KCNN2: variants seen among roughly 807,000 people sequenced by gnomAD.
The protein encoded by KCNN2 is small conductance calcium-activated potassium channel protein 2.
KCNN2 carries 24 observed loss-of-function variants against 55.5 expected under a neutral mutation model. The observed-to-expected ratio is 0.43, with a 90% CI of 0.31 to 0.61. The LOEUF (loss-of-function observed/expected upper bound fraction) is 0.61. Among genes scored for constraint, KCNN2 ranks in the 20% least tolerant of loss-of-function variants. KCNN2 has a pLI of 0.08. For synonymous variants in KCNN2, 431 were observed against 336.1 expected (o/e 1.28, Z -3.09); for missense variants, 754 against 853.6 (o/e 0.88, Z 1.45).
chr5:114,313,770 C>T (rs1756450096), intron 2 of KCNN2, among the ~76,000 whole-genome samples: 1 of 152,082 alleles, frequency 6.6e-6, no homozygotes, highest in African/African-American at 2.4e-5. Context: ...GCTTTTGCAG[C>T]TAAGTGGTTC....
chr5:114,123,184 A>T (rs1043495888), intron 1 of KCNN2, among the ~76,000 whole-genome samples: 3 of 152,096 alleles, frequency 2.0e-5, no homozygotes, highest in Admixed American at 6.6e-5. Flanking sequence ...AATTCACTGT[A>T]ATTTTTCAAA....
Position 114,405,627 on chromosome 5 carries a change from G to C in KCNN2, c.1637+771G>C, listed in dbSNP as rs192158835. 2.6e-3 allele frequency among the ~76,000 whole-genome samples: 402 copies of C among 152,252 alleles called. 2 individuals carry two copies. The highest frequency in any genetic ancestry group is 1.8e-3 in the Non-Finnish European group (122 of 68,014). On this transcript the variant is annotated intron_variant, in intron 3 of 7. Transcript: ENST00000673685. ...AAGAAAATTCAAGTTGAAATTAACA[G>C]TAGAGACATAGGAATGATTTAGACA...
rs567671399 is a variant in KCNN2, at chr5:114,460,860, G to A, written c.1638-2189G>A. Among the ~76,000 whole-genome samples the A allele has an allele frequency of 5.3e-5, 8 of 152,284 alleles. No individual in the cohort carries two copies. The South Asian group carries it at 1.0e-3, about 20-fold the overall frequency. Reference sequence around the variant, plus strand: ...TAGCTCTTAAGTGTATCACATCAGTGTATGAATTGTGCTAAGAAGCAGCTT... The same window carrying A: ...TAGCTCTTAAGTGTATCACATCAGTATATGAATTGTGCTAAGAAGCAGCTT... On this transcript the variant is annotated intron_variant, in intron 3 of 7. Transcript: ENST00000673685.
intron 2 of KCNN2, among the ~76,000 whole-genome samples, chr5:114,350,471 C>T (rs923071739): frequency 6.6e-6 from 1 of 151,688 alleles, no homozygotes; most frequent in Non-Finnish European, 1.5e-5. Context: ...TGATTAAGCC[C>T]AATTTGTCTA....
At chr5:114,127,615 C>G (rs775895736) in intron 1 of KCNN2, among the ~76,000 whole-genome samples, 2 of 152,190 alleles carry the variant, frequency 1.3e-5, no homozygotes, top group African/African-American at 2.4e-5. Context: ...CTGATGTGCC[C>G]TGGAGACATT....
At chr5:114,248,363 T>A (rs1045822912) in intron 2 of KCNN2, among the ~76,000 whole-genome samples, 7 of 152,122 alleles carry the variant, frequency 4.6e-5, no homozygotes, top group Non-Finnish European at 2.9e-5. Flanking sequence ...AGTTTAGTTA[T>A]TTGGGGGGAA....
chr5:114,426,953 G>A (rs190122281), intron 3 of KCNN2, among the ~76,000 whole-genome samples: 3 of 152,236 alleles, frequency 2.0e-5, no homozygotes, highest in Admixed American at 1.3e-4. Flanking sequence ...CACTCACAGC[G>A]GAAAGGAAAG....
At chr5:114,256,314 A>G (rs1754982461) in intron 2 of KCNN2, among the ~76,000 whole-genome samples, 1 of 152,192 alleles carries the variant, frequency 6.6e-6, no homozygotes, top group Non-Finnish European at 1.5e-5. Flanking sequence ...TAGCTTGGCT[A>G]TTAGGAAGAG....
intron 1 of KCNN2, among the ~76,000 whole-genome samples, chr5:114,187,673 T>A (rs554259953): frequency 2.6e-5 from 4 of 151,040 alleles, no homozygotes; most frequent in African/African-American, 9.7e-5. Context: ...ACCCGGCTAA[T>A]TTTTTTATAT....
At chr5:114,298,245 G>C (rs1477561037) in intron 2 of KCNN2, among the ~76,000 whole-genome samples, 1 of 152,232 alleles carries the variant, frequency 6.6e-6, no homozygotes, top group Non-Finnish European at 1.5e-5. Flanking sequence ...AGATGGTTCT[G>C]CTAGGAAAGG....
intron 1 of KCNN2, among the ~76,000 whole-genome samples, chr5:114,150,214 CA>C (rs1384084135): frequency 6.6e-6 from 1 of 152,178 alleles, no homozygotes; most frequent in Admixed American, 6.5e-5. Flanking sequence ...GCAAGAGTTT[CA>C]GGGGGTCTCC....
At chr5:114,107,552 T>A (rs1425914589) in intron 1 of KCNN2, among the ~76,000 whole-genome samples, 1 of 101,264 alleles carries the variant, frequency 9.9e-6, no homozygotes, top group Non-Finnish European at 2.3e-5. Flanking sequence ...GCCTGGCTAA[T>A]TTTTTTTTTT....
chr5:114,195,648 A>G (rs1213856068), intron 1 of KCNN2, among the ~76,000 whole-genome samples: 1 of 151,878 alleles, frequency 6.6e-6, no homozygotes, highest in African/African-American at 2.4e-5. Flanking sequence ...TTACTTTTTC[A>G]TTTTCAATCT....
intron 2 of KCNN2, among the ~76,000 whole-genome samples, chr5:114,244,778 T>C (rs191644983): frequency 6.6e-6 from 1 of 152,276 alleles, no homozygotes; most frequent in East Asian, 1.9e-4. Flanking sequence ...TTAACGGTGG[T>C]ATCTGAAGCT....
intron 7 of KCNN2, among the ~76,000 whole-genome samples, chr5:114,495,392 T>G (rs1748063847): frequency 6.6e-6 from 1 of 152,224 alleles, no homozygotes; most frequent in Non-Finnish European, 1.5e-5. Flanking sequence ...TCAAACCAGT[T>G]AATCCTAAAC....
intron 1 of KCNN2, among the ~76,000 whole-genome samples, chr5:114,148,348 C>A (rs1273310646): frequency 6.6e-6 from 1 of 152,024 alleles, no homozygotes; most frequent in Non-Finnish European, 1.5e-5. Flanking sequence ...TTTTTTTGTG[C>A]AACAAACACA....
chr5:114,290,847 T>C (rs1298183211), intron 2 of KCNN2, among the ~76,000 whole-genome samples: 1 of 152,154 alleles, frequency 6.6e-6, no homozygotes, highest in Non-Finnish European at 1.5e-5. Context: ...TTCTAGCATA[T>C]TGATTGTTTC....
chr5:114,453,528 C>G (rs935967222), intron 3 of KCNN2, among the ~76,000 whole-genome samples: 1 of 152,146 alleles, frequency 6.6e-6, no homozygotes, highest in African/African-American at 2.4e-5. Flanking sequence ...AGAATCTTCC[C>G]TTTAGAGATA....
chr5:114,363,152 C>T lies in KCNN2; in HGVS notation c.1013C>T (p.Ala338Val). ...GGCTACAAGCTGGGCCACCGGCGCG[C>T]CCTGTTCGAAAAGCGCAAGCGGCTC... ...NIGYKLGHRR[A>V]LFEKRKRLSD... Residue 338 changes from alanine to valine, a missense_variant, in exon 1 of 8, where the codon GCC becomes GTC. By Grantham distance (64) the Ala-to-Val change is moderately conservative (BLOSUM62 0). This residue lies in a region of KCNN2 where 123 missense variants were observed against 204.9 expected (regional missense o/e 0.60). Coordinates refer to ENST00000673685, the MANE Select transcript of KCNN2 (RefSeq NM_021614.4). 6.2e-7 allele frequency: 1 copy of T among 1,613,558 alleles called. No homozygotes were observed. The highest frequency in any genetic ancestry group is 8.5e-7 in the Non-Finnish European group (1 of 1,180,014).
Sources: allele counts gnomAD v4.1 joint callset (sites outside exome capture counted in the v4.1 genomes callset), GRCh38; gene constraint gnomAD v4.1.1; regional missense constraint gnomAD v4.1.1; transcripts MANE v1.5; gene names NCBI Gene and HGNC (gene_info 2026-07-23, HGNC 2026-07-21).